The following GRIP1 variants were observed in gnomAD, a reference collection of about 807,000 sequenced individuals.
The protein encoded by GRIP1 is glutamate receptor-interacting protein 1.
GRIP1 carries 45 observed loss-of-function variants against 129.9 expected under a neutral mutation model. That is an observed-to-expected ratio of 0.35 (90% CI 0.27 to 0.44). The LOEUF is 0.44. GRIP1 is among the 20% of genes least tolerant of loss of function. GRIP1 has a pLI of 1.00. For synonymous variants in GRIP1, 530 were observed against 520.8 expected, an observed-to-expected ratio of 1.02 and a Z score of -0.24; for missense variants, 1,196 against 1,396.8, an observed-to-expected ratio of 0.86 and a Z score of 2.29.
At chr12:66,570,886 C>T (rs1442599100) in intron 2 of GRIP1, 1 of 152,138 alleles carries the variant, frequency 6.6e-6, no homozygotes. Context: ...AGAAGAGTCA[C>T]ATACATTTGA....
At chr12:66,839,482 C>T (rs2039676016) in intron 1 of GRIP1, among the ~76,000 whole-genome samples, 1 of 152,150 alleles carries the variant, frequency 6.6e-6, no homozygotes, top group Admixed American at 6.5e-5. Flanking sequence ...TGCATACACA[C>T]ACTAATGCCT....
chr12:66,500,799 T>G (rs992334265), intron 7 of GRIP1, among the ~76,000 whole-genome samples: 13 of 152,194 alleles, frequency 8.5e-5, no homozygotes, highest in Non-Finnish European at 1.9e-4. Context: ...CATTTCCTAT[T>G]TTACTGCTAC....
chr12:66,509,013 C>T (rs2060619688), intron 7 of GRIP1, among the ~76,000 whole-genome samples: 1 of 152,190 alleles, frequency 6.6e-6, no homozygotes, highest in African/African-American at 2.4e-5. Context: ...TGTGCTCCTC[C>T]ACCAAAGACT....
intron 1 of GRIP1, among the ~76,000 whole-genome samples, chr12:66,792,272 T>C (rs2038563556): frequency 6.6e-6 from 1 of 152,150 alleles, no homozygotes; most frequent in South Asian, 2.1e-4. Flanking sequence ...CTTTTTTCTT[T>C]TTTGCAGTGC....
chr12:66,348,022 G>GA lies in GRIP1; in HGVS notation c.*996dup, dbSNP rs986198592. ...ACTGTCACAATTTATTGCTTTGAGG[G>GA]ATGGTAATAATTGGCAATGCATTTG... is the stretch of plus-strand genomic sequence containing the variant. On this transcript the variant is annotated 3_prime_UTR_variant, in exon 25 of 25. Transcript: ENST00000359742. 6.6e-5 allele frequency: 10 copies of GA among 152,298 alleles called. No homozygotes were observed. Among genetic ancestry groups the GA allele is most frequent in the African/African-American group, 2.4e-4 (10 of 41,576 alleles). 9.4% of individuals were successfully genotyped at this position (152,298 alleles called of 1,614,324 possible). A position where few individuals can be genotyped will look rare whatever the true frequency, so the allele number is the denominator to read the frequency against.
At chr12:66,505,826 TA>T (rs1360535554) in intron 7 of GRIP1, among the ~76,000 whole-genome samples, 2 of 152,226 alleles carry the variant, frequency 1.3e-5, no homozygotes, top group African/African-American at 4.8e-5. Context: ...GTATACACAA[TA>T]TATAAGGAAA....
At chr12:66,533,617 C>A (rs2061518051) in intron 4 of GRIP1, among the ~76,000 whole-genome samples, 1 of 151,980 alleles carries the variant, frequency 6.6e-6, no homozygotes, top group East Asian at 1.9e-4. Flanking sequence ...TGCACTCCGG[C>A]CTGGGTGACA....
intron 1 of GRIP1, among the ~76,000 whole-genome samples, chr12:66,814,390 A>G (rs1035410423): frequency 6.6e-6 from 1 of 152,092 alleles, no homozygotes; most frequent in African/African-American, 2.4e-5. Flanking sequence ...CCTTCTTTTC[A>G]TTTTCATTCA....
chr12:66,930,062 T>A (rs2041364457), intron 1 of GRIP1, among the ~76,000 whole-genome samples: 1 of 151,954 alleles, frequency 6.6e-6, no homozygotes, highest in Non-Finnish European at 1.5e-5. Flanking sequence ...TCTCTTTTTT[T>A]TTTTTTTTAC....
At chr12:66,817,019 TC>T (rs1240508918) in intron 1 of GRIP1, among the ~76,000 whole-genome samples, 3 of 152,060 alleles carry the variant, frequency 2.0e-5, no homozygotes, top group African/African-American at 7.2e-5. Flanking sequence ...GAACATCCTT[TC>T]CTCAGAAAAC....
intron 19 of GRIP1, 25 bp from the exon 20 acceptor site, chr12:66,379,461 A>G (rs1380364118): frequency 2.5e-6 from 4 of 1,612,284 alleles, no homozygotes; most frequent in Admixed American, 1.7e-5. Context: ...AGGTGTTAGC[A>G]TTGGGCCCAA....
At chr12:66,669,409 A>ATAAC (rs1331253214) in intron 1 of GRIP1, among the ~76,000 whole-genome samples, 1 of 152,096 alleles carries the variant, frequency 6.6e-6, no homozygotes, top group Non-Finnish European at 1.5e-5. Flanking sequence ...AAATAAATAA[A>ATAAC]TAAATATTAA....
chr12:66,419,880 G>C (rs2057742537), intron 15 of GRIP1, among the ~76,000 whole-genome samples: 1 of 152,244 alleles, frequency 6.6e-6, no homozygotes, highest in South Asian at 2.1e-4. Context: ...TGGATCACCT[G>C]AGGTCAGGAG....
At chr12:66,416,880 A>T (rs2057623170) in intron 15 of GRIP1, among the ~76,000 whole-genome samples, 1 of 152,090 alleles carries the variant, frequency 6.6e-6, no homozygotes, top group South Asian at 2.1e-4. Context: ...ATAGAGGAGG[A>T]GGGAATGATT....
chr12:67,008,061 AATAAAAGC>A (rs1475666025), intron 1 of GRIP1, among the ~76,000 whole-genome samples: 4 of 152,216 alleles, frequency 2.6e-5, no homozygotes, highest in Non-Finnish European at 5.9e-5. Context: ...AATCAATCAT[AATAAAAGC>A]TTCTATGACA....
intron 1 of GRIP1, among the ~76,000 whole-genome samples, chr12:66,793,456 AAAC>A (rs1359958539): frequency 5.9e-5 from 9 of 152,332 alleles, no homozygotes; most frequent in South Asian, 2.1e-4. Flanking sequence ...GTGGGAAAAA[AAAC>A]AACAACAACA....
At chr12:67,001,383 C>T (rs2042548852) in intron 1 of GRIP1, among the ~76,000 whole-genome samples, 1 of 152,080 alleles carries the variant, frequency 6.6e-6, no homozygotes, top group Non-Finnish European at 1.5e-5. Flanking sequence ...GAGAAGAAGG[C>T]AATGGATGCA....
At chr12:66,568,896 TC>T (rs66489017) in intron 2 of GRIP1, 125,303 of 515,224 alleles carry the variant, frequency 0.24, 15,920 homozygotes, top group Admixed American at 0.27. Context: ...TTGAGTAGGT[TC>T]CAGAGGGAGG....
At chr12:66,805,521 T>C (rs1376885945), upstream of GRIP1, among the ~76,000 whole-genome samples, 1 of 152,202 alleles carries the variant, frequency 6.6e-6, no homozygotes, top group Admixed American at 6.5e-5. Context: ...AATGATATAC[T>C]GCAGCTCCAT....
Sources: allele counts gnomAD v4.1 joint callset (sites outside exome capture counted in the v4.1 genomes callset), GRCh38; gene constraint gnomAD v4.1.1; transcripts MANE v1.5; gene names NCBI Gene and HGNC (gene_info 2026-07-23, HGNC 2026-07-21).